Variants in IQSEC3 observed in about 807,000 individuals in gnomAD.
The protein encoded by IQSEC3 is IQ motif and Sec7 domain ArfGEF 3.
In IQSEC3, 50 loss-of-function variants were observed where a neutral mutation model predicts 105.4. The observed-to-expected ratio is 0.47, with a 90% CI of 0.38 to 0.60. The LOEUF is 0.60. IQSEC3 is among the 20% of genes least tolerant of loss of function. IQSEC3 has a pLI of 0.00. For missense variants in IQSEC3, 1,415 were observed against 1,630.0 expected (o/e 0.87, Z 2.27); for synonymous variants, 708 against 746.0 (o/e 0.95, Z 0.83).
intron 5 of IQSEC3, among the ~76,000 whole-genome samples, chr12:154,502 C>T (rs1194391606): frequency 3.9e-5 from 6 of 152,120 alleles, no homozygotes; most frequent in Non-Finnish European, 8.8e-5. Context: ...GTGGGGTGCA[C>T]GACAGATGGG....
chr12:83,696 G>A (rs1863824770), intron 1 of IQSEC3, among the ~76,000 whole-genome samples: 1 of 150,674 alleles, frequency 6.6e-6, no homozygotes, highest in Non-Finnish European at 1.5e-5. Flanking sequence ...TTGATGGGAA[G>A]GCGGGCGGGG....
chr12:155,092 G>T (rs184719132), intron 5 of IQSEC3, among the ~76,000 whole-genome samples: 5 of 152,330 alleles, frequency 3.3e-5, no homozygotes, highest in Admixed American at 3.3e-4. Flanking sequence ...GATGGGCTGG[G>T]CTACAGGAAC....
At chr12:87,744 G>A (rs1251722982) in intron 1 of IQSEC3, among the ~76,000 whole-genome samples, 33 of 152,110 alleles carry the variant, frequency 2.2e-4, no homozygotes, top group African/African-American at 8.0e-4. Context: ...AGTGGGGGAG[G>A]AAAGGGGGTA....
intron 1 of IQSEC3, among the ~76,000 whole-genome samples, chr12:95,129 A>G (rs141997938): frequency 7.9e-5 from 12 of 152,282 alleles, no homozygotes; most frequent in African/African-American, 2.9e-4. Flanking sequence ...ACAGTTCTCT[A>G]AAGTCTTTGA....
intron 1 of IQSEC3, among the ~76,000 whole-genome samples, chr12:95,534 C>T (rs1409527880): frequency 6.6e-6 from 1 of 152,196 alleles, no homozygotes; most frequent in Non-Finnish European, 1.5e-5. Context: ...TGTCAGTCAA[C>T]ATTTTACCCT....
chr12:110,433 G>C (rs537776300), intron 2 of IQSEC3, among the ~76,000 whole-genome samples: 1 of 151,482 alleles, frequency 6.6e-6, no homozygotes, highest in Admixed American at 6.6e-5. Flanking sequence ...GTTGGATCTC[G>C]AATGCTTTCA....
chr12:177,325 T>A lies in IQSEC3; in HGVS notation c.*2292T>A, dbSNP rs557421257. ...CACACAGCTCTTCAAACTTACCAAG[T>A]GCCCTCTCCCCTGTTGAGGGCACAG... On this transcript the variant is annotated 3_prime_UTR_variant, in exon 14 of 14. Coordinates refer to ENST00000538872, the MANE Select transcript of IQSEC3 (RefSeq NM_001170738.2). This position sits in a 1 kb window ranked among gnomAD's most constrained non-coding sequence, Gnocchi z 5.3. 1 of 121,270 alleles carries A rather than the reference T, an allele frequency of 8.2e-6. No individual in the cohort carries two copies. The highest frequency in any genetic ancestry group is 1.9e-5 in the Non-Finnish European group (1 of 52,730). The allele number at this position is 121,270 out of a possible 1,614,324, so 7.5% of individuals were successfully genotyped here. A position where few individuals can be genotyped will look rare whatever the true frequency, so the allele number is the denominator to read the frequency against.
rs782297838 is a variant in IQSEC3 at position 165,576 on chromosome 12, A to G, written c.2809+43A>G. 8.2e-6 allele frequency: 13 copies of G among 1,585,212 alleles called. No individual in the cohort carries two copies. The East Asian group carries it at 1.1e-4, about 14-fold the overall frequency. On this transcript the variant is annotated intron_variant, in intron 10 of 13. Transcript: ENST00000538872. ...AGTGTAAGTCTTTGAGAAGGAATGAATGGATGAAATGGCTGGGGCGAGTTG... is the reference window on the plus strand; with the variant it reads ...AGTGTAAGTCTTTGAGAAGGAATGAGTGGATGAAATGGCTGGGGCGAGTTG...
intron 11 of IQSEC3, chr12:166,107 G>A (rs191791073): frequency 7.3e-5 from 41 of 564,726 alleles, no homozygotes; most frequent in African/African-American, 3.8e-4. Flanking sequence ...GTGCACACAC[G>A]TGTGTACACA....
At chr12:143,562 G>A (rs1174376440) in intron 5 of IQSEC3, 1 of 166,424 alleles carries the variant, frequency 6.0e-6, no homozygotes, top group Non-Finnish European at 1.3e-5. Context: ...CAGGCCCCAG[G>A]GCCGTGCTGG....
chr12:77,002 C>G (rs2136872885), intron 1 of IQSEC3, among the ~76,000 whole-genome samples: 1 of 152,378 alleles, frequency 6.6e-6, no homozygotes, highest in East Asian at 1.9e-4. Flanking sequence ...CTATCTACCA[C>G]AATTTTCATT....
intron 2 of IQSEC3, among the ~76,000 whole-genome samples, chr12:119,458 G>T (rs1345648719): frequency 6.6e-6 from 1 of 152,136 alleles, no homozygotes; most frequent in Admixed American, 6.6e-5. Flanking sequence ...AAGGTATCTG[G>T]AACCCAGAAA....
chr12:76,086 T>TCACACACACA (rs55736036), intron 1 of IQSEC3, among the ~76,000 whole-genome samples: 15 of 148,344 alleles, frequency 1.0e-4, no homozygotes, highest in African/African-American at 3.8e-4. Flanking sequence ...GAGAGTTTCA[T>TCACACACACA]CACACACACA....
chr12:124,661 A>C (rs904368446), intron 2 of IQSEC3, among the ~76,000 whole-genome samples: 1 of 152,226 alleles, frequency 6.6e-6, no homozygotes, highest in East Asian at 1.9e-4. Flanking sequence ...TGACTCTCTA[A>C]GGACAGCTCC....
In IQSEC3 at chr12:175,229, T is replaced by G; in HGVS notation, c.*196T>G. The stretch of plus-strand genomic sequence containing the variant: ...TTCCCTTTCTCAGCTGCACCCCCTC[T>G]GCAGATCTGAAGACACACCTCACTC... On this transcript the variant is annotated 3_prime_UTR_variant, in exon 14 of 14. Transcript: ENST00000538872. 2 of 561,512 alleles carry G rather than the reference T, an allele frequency of 3.6e-6. No individual in the cohort carries two copies. Among genetic ancestry groups the G allele is most frequent in the East Asian group, 5.8e-5 (2 of 34,568 alleles). The allele number at this position is 561,512 out of a possible 1,614,324, so 34.8% of individuals were successfully genotyped here. A position where few individuals can be genotyped will look rare whatever the true frequency, so the allele number is the denominator to read the frequency against.
rs782713919 is a variant in IQSEC3 at position 165,760 on chromosome 12, G to C, written c.2841G>C (p.Pro947=). 1 of 1,613,912 alleles carries C rather than the reference G, an allele frequency of 6.2e-7. No homozygotes were observed. The highest frequency in any genetic ancestry group is 8.5e-7 in the Non-Finnish European group (1 of 1,180,040). ...YYSHGITLVT[P]LSGSEKKQVL... ...CTCATGGCATCACACTGGTGACCCCGCTCTCGGGCTCCGAGAAGAAGCAGG... is the reference window on the plus strand; with the variant it reads ...CTCATGGCATCACACTGGTGACCCCCCTCTCGGGCTCCGAGAAGAAGCAGG... Residue 947 remains proline (P), a synonymous_variant, in exon 11 of 14, where the codon CCG becomes CCC. Coordinates refer to ENST00000538872, the MANE Select transcript of IQSEC3 (RefSeq NM_001170738.2).
At chr12:148,543 T>C (rs1000600707) in intron 5 of IQSEC3, 1 of 152,220 alleles carries the variant, frequency 6.6e-6, no homozygotes, top group African/African-American at 2.4e-5. Flanking sequence ...TTCGTCCTCA[T>C]GACATCACCA....
At chr12:104,221 G>A (rs1468048451) in intron 2 of IQSEC3, among the ~76,000 whole-genome samples, 1 of 152,098 alleles carries the variant, frequency 6.6e-6, no homozygotes, top group East Asian at 1.9e-4. Context: ...AGGTATCTTG[G>A]CCGAGGGACC....
chr12:76,349 T>C (rs567355771), intron 1 of IQSEC3, among the ~76,000 whole-genome samples: 1 of 152,360 alleles, frequency 6.6e-6, no homozygotes, highest in East Asian at 1.9e-4. Flanking sequence ...GAGCAGGTGG[T>C]GCGCAGGCGT....
Sources: gnomAD v4.1 joint callset for allele counts (sites outside exome capture counted in the v4.1 genomes callset) on GRCh38, gnomAD v4.1.1 for gene constraint, Gnocchi (gnomAD v3.1) non-coding constraint, MANE v1.5 for transcripts, NCBI Gene and HGNC (gene_info 2026-07-23, HGNC 2026-07-21) for gene names.